LHFPL3: variants seen among roughly 807,000 people sequenced by gnomAD.
LHFPL3 encodes LHFPL tetraspan subfamily member 3.
Under a neutral mutation model 19.3 loss-of-function variants are expected in LHFPL3, and 5 were observed. The ratio of observed to expected loss-of-function variants is 0.26; its 90% CI spans 0.14 to 0.54. The LOEUF (loss-of-function observed/expected upper bound fraction) is 0.54. Among genes scored for constraint, LHFPL3 ranks in the 20% least tolerant of loss-of-function variants. The pLI is 0.94. For synonymous variants in LHFPL3, 133 were observed against 126.2 expected, an observed-to-expected ratio of 1.05 and a Z score of -0.36; for missense variants, 249 against 307.4, an observed-to-expected ratio of 0.81 and a Z score of 1.42.
chr7:104,429,463 A>G (rs955362380), intron 1 of LHFPL3, among the ~76,000 whole-genome samples: 2 of 149,850 alleles, frequency 1.3e-5, no homozygotes, highest in African/African-American at 5.0e-5. Flanking sequence ...GCCCACAACT[A>G]TGCCAGGCTA....
At chr7:104,571,404 A>C (rs1478787473) in intron 1 of LHFPL3, among the ~76,000 whole-genome samples, 1 of 152,002 alleles carries the variant, frequency 6.6e-6, no homozygotes, top group African/African-American at 2.4e-5. Context: ...TGCGGGATAG[A>C]GTTCTGTGTT....
chr7:104,766,167 G>A (rs1472783073), intron 2 of LHFPL3, among the ~76,000 whole-genome samples: 1 of 152,200 alleles, frequency 6.6e-6, no homozygotes, highest in Non-Finnish European at 1.5e-5. Context: ...AGCTTTGTTG[G>A]TATCTTGGCT....
chr7:104,704,964 C>T (rs1793165838), intron 1 of LHFPL3, among the ~76,000 whole-genome samples: 1 of 152,212 alleles, frequency 6.6e-6, no homozygotes, highest in African/African-American at 2.4e-5. Context: ...AAAATCTTCT[C>T]TCAGGAGACT....
At chr7:104,848,923 G>A (rs1419372998) in intron 2 of LHFPL3, among the ~76,000 whole-genome samples, 2 of 150,142 alleles carry the variant, frequency 1.3e-5, no homozygotes, top group East Asian at 3.9e-4. Context: ...TGTTGTTGTT[G>A]TTGTTGTAGA....
At chr7:104,839,404 T>C (rs1471194211) in intron 2 of LHFPL3, among the ~76,000 whole-genome samples, 2 of 152,202 alleles carry the variant, frequency 1.3e-5, no homozygotes, top group African/African-American at 4.8e-5. Context: ...TGGTGGCTCA[T>C]GCCTGTAATC....
chr7:104,548,317 A>G (rs1230557410), intron 1 of LHFPL3, among the ~76,000 whole-genome samples: 1 of 152,244 alleles, frequency 6.6e-6, no homozygotes, highest in Non-Finnish European at 1.5e-5. Context: ...GTAAGAGAAA[A>G]AAAGTAACAA....
At chr7:104,455,179 T>C (rs1056345567) in intron 1 of LHFPL3, among the ~76,000 whole-genome samples, 2 of 152,224 alleles carry the variant, frequency 1.3e-5, no homozygotes, top group Non-Finnish European at 1.5e-5. Flanking sequence ...CAAAAATGGA[T>C]CTTGTGATTT....
At chr7:104,418,545 A>G (rs1791669178) in intron 1 of LHFPL3, among the ~76,000 whole-genome samples, 1 of 152,166 alleles carries the variant, frequency 6.6e-6, no homozygotes. Context: ...AAACAAACAA[A>G]CAATTTAAAA....
chr7:104,367,043 T>A (rs932663185), intron 1 of LHFPL3, among the ~76,000 whole-genome samples: 2 of 152,214 alleles, frequency 1.3e-5, no homozygotes, highest in East Asian at 3.9e-4. Flanking sequence ...TTTCTAAATG[T>A]AGTAAAGTCC....
At chr7:104,571,605 T>C (rs1404037273) in intron 1 of LHFPL3, among the ~76,000 whole-genome samples, 1 of 152,154 alleles carries the variant, frequency 6.6e-6, no homozygotes, top group Non-Finnish European at 1.5e-5. Flanking sequence ...ATGGGTCGGG[T>C]TATATGAAAA....
chr7:104,406,719 G>C (rs752664419), intron 1 of LHFPL3, among the ~76,000 whole-genome samples: 20 of 152,232 alleles, frequency 1.3e-4, no homozygotes, highest in Non-Finnish European at 2.4e-4. Context: ...TGACATGACT[G>C]GTGATTGACA....
At chr7:104,884,750 T>C (rs961580202) in intron 2 of LHFPL3, among the ~76,000 whole-genome samples, 3 of 152,162 alleles carry the variant, frequency 2.0e-5, no homozygotes, top group African/African-American at 7.2e-5. Context: ...ATGTGTGGGT[T>C]GAGTATTTGA....
chr7:104,596,868 C>T lies in LHFPL3; in HGVS notation c.446-139807C>T, dbSNP rs186672851. On this transcript the variant is annotated intron_variant, in intron 1 of 2. Coordinates refer to ENST00000424859, the MANE Select transcript of LHFPL3 (RefSeq NM_199000.3). ...CATTATCTGTTTACATGTTTGTTCT[C>T]CCCAAGTGACCATGAGCTCATTTAG... Among the ~76,000 whole-genome samples the T allele has an allele frequency of 2.5e-4, 38 of 152,314 alleles. No homozygotes were observed. In the East Asian group the frequency reaches 7.3e-3, roughly 29 times the overall value.
intron 1 of LHFPL3, among the ~76,000 whole-genome samples, chr7:104,690,720 A>G (rs751519367): frequency 1.3e-5 from 2 of 152,252 alleles, no homozygotes; most frequent in Non-Finnish European, 2.9e-5. Context: ...AGAAAGAGGC[A>G]TAATGCCTAA....
intron 2 of LHFPL3, among the ~76,000 whole-genome samples, chr7:104,742,660 G>A (rs908688946): frequency 2.0e-5 from 3 of 152,182 alleles, no homozygotes; most frequent in African/African-American, 7.2e-5. Flanking sequence ...TTCCTGGCCT[G>A]TGAAATGCAG....
At chr7:104,363,947 C>G (rs865840640) in intron 1 of LHFPL3, among the ~76,000 whole-genome samples, 5 of 152,206 alleles carry the variant, frequency 3.3e-5, no homozygotes, top group African/African-American at 4.8e-5. Context: ...TTCAGCAGAT[C>G]ATCAAGGCTT....
chr7:104,470,137 G>A (rs1282269316), intron 1 of LHFPL3: 1 of 452,100 alleles, frequency 2.2e-6, no homozygotes, highest in Non-Finnish European at 4.5e-6. Flanking sequence ...AAGAACATGG[G>A]TGTTGTTGGG....
At chr7:104,597,565 G>A (rs1419709361) in intron 1 of LHFPL3, among the ~76,000 whole-genome samples, 1 of 152,088 alleles carries the variant, frequency 6.6e-6, no homozygotes, top group Admixed American at 6.6e-5. Context: ...TTGACATGGT[G>A]GGGGGAGGGG....
At chr7:104,343,354 A>G (rs1185274344) in intron 1 of LHFPL3, among the ~76,000 whole-genome samples, 1 of 151,678 alleles carries the variant, frequency 6.6e-6, no homozygotes, top group Non-Finnish European at 1.5e-5. Flanking sequence ...CTCTACTAAA[A>G]ATACAAAAAT....
Sources: gnomAD v4.1 joint callset for allele counts (sites outside exome capture counted in the v4.1 genomes callset) on GRCh38, gnomAD v4.1.1 for gene constraint, MANE v1.5 for transcripts, NCBI Gene and HGNC (gene_info 2026-07-23, HGNC 2026-07-21) for gene names.